Variants in FMNL2 observed in about 807,000 individuals in gnomAD.
The protein encoded by FMNL2 is formin-like protein 2.
A neutral mutation model predicts 130.2 loss-of-function variants in FMNL2; 51 were observed. The observed-to-expected ratio is 0.39, with a 90% CI of 0.31 to 0.49. FMNL2 has a LOEUF of 0.49. Ranked by LOEUF, FMNL2 falls within the 20% of genes least tolerant of loss-of-function variation. FMNL2 has a pLI of 0.85. For missense variants in FMNL2, 977 were observed against 1,316.2 expected (o/e 0.74, Z 3.99); for synonymous variants, 465 against 467.1 (o/e 1.00, Z 0.06).
At chr2:152,475,540 G>T (rs1466996410) in intron 1 of FMNL2, among the ~76,000 whole-genome samples, 2 of 152,106 alleles carry the variant, frequency 1.3e-5, no homozygotes, top group African/African-American at 4.8e-5. Context: ...TGTCATCCAG[G>T]CTGGAGTACG....
chr2:152,591,024 T>TTTTTTTG (rs1558989613), intron 9 of FMNL2, among the ~76,000 whole-genome samples: 7 of 94,952 alleles, frequency 7.4e-5, no homozygotes, highest in Non-Finnish European at 9.9e-5. Flanking sequence ...TTTTTTTTTT[T>TTTTTTTG]GAGACAGCAT....
chr2:152,389,905 G>T, intron 1 of FMNL2: 1 of 1,037,262 alleles, frequency 9.6e-7, no homozygotes, highest in South Asian at 1.3e-5. Flanking sequence ...GAGAACCCGG[G>T]AGAAGGTGGA....
chr2:152,545,604 C>T (rs563438430), intron 3 of FMNL2, among the ~76,000 whole-genome samples: 3 of 152,216 alleles, frequency 2.0e-5, no homozygotes, highest in South Asian at 4.2e-4. Context: ...CCTTTGCTGG[C>T]GCTGCAGTTG....
chr2:152,359,837 C>T (rs1032934138), intron 1 of FMNL2, among the ~76,000 whole-genome samples: 36 of 152,118 alleles, frequency 2.4e-4, no homozygotes, highest in African/African-American at 6.8e-4. Flanking sequence ...TTTTACTGTG[C>T]GATGTTTCAT....
At chr2:152,495,766 G>A (rs1290528914) in intron 1 of FMNL2, among the ~76,000 whole-genome samples, 1 of 151,126 alleles carries the variant, frequency 6.6e-6, no homozygotes, top group Non-Finnish European at 1.5e-5. Flanking sequence ...CCTCCAGGAA[G>A]CATATACGAA....
intron 25 of FMNL2, chr2:152,643,451 G>A (rs1440395197): frequency 1.3e-6 from 2 of 1,536,064 alleles, no homozygotes; most frequent in Non-Finnish European, 1.7e-6. Flanking sequence ...TGCTCGCACC[G>A]CCAAGCGTGG....
At chr2:152,439,729 C>G (rs996271557) in intron 1 of FMNL2, among the ~76,000 whole-genome samples, 1 of 151,036 alleles carries the variant, frequency 6.6e-6, no homozygotes, top group Non-Finnish European at 1.5e-5. Context: ...ACTCCCCATA[C>G]TGATCCTAGC....
chr2:152,471,281 G>A lies in FMNL2; in HGVS notation c.118-50662G>A, dbSNP rs114524305. Among the ~76,000 whole-genome samples, 283 of 152,116 alleles carry A rather than the reference G, an allele frequency of 1.9e-3. 3 individuals carry two copies. The highest frequency in any genetic ancestry group is 6.4e-3 in the African/African-American group (264 of 41,524). On this transcript the variant is annotated intron_variant, in intron 1 of 25. Coordinates refer to ENST00000288670, the MANE Select transcript of FMNL2 (RefSeq NM_052905.4). ...TATTAGTTTAACTCCTAGGTAATTT[G>A]GGACCACGTTTTGTCTTTTGGAAAA...
intron 22 of FMNL2, among the ~76,000 whole-genome samples, 174 bp from the exon 23 acceptor site, chr2:152,637,399 C>T (rs550551625): frequency 1.1e-4 from 17 of 152,122 alleles, no homozygotes; most frequent in Non-Finnish European, 2.4e-4. Flanking sequence ...TCTGCTGAGG[C>T]GTTTGGAGGA....
chr2:152,617,204 G>T lies in FMNL2; in HGVS notation c.1314+12G>T. 1 of 1,613,038 alleles carries T rather than the reference G, an allele frequency of 6.2e-7. No individual in the cohort carries two copies. The highest frequency in any genetic ancestry group is 1.7e-5 in the Admixed American group (1 of 60,004). On this transcript the variant is annotated intron_variant, in intron 13 of 25. Transcript: ENST00000288670. ...TGGATGTCGTTCGGGTAAGTGTAAT[G>T]ATGACAACTGCCCAGATGGGCACGG...
chr2:152,363,468 C>T (rs917788808), intron 1 of FMNL2, among the ~76,000 whole-genome samples: 5 of 152,162 alleles, frequency 3.3e-5, no homozygotes, highest in Non-Finnish European at 5.9e-5. Flanking sequence ...AATTTATGAT[C>T]TCTCTTTCTC....
chr2:152,366,479 A>C (rs1251503813), intron 1 of FMNL2, among the ~76,000 whole-genome samples: 2 of 141,016 alleles, frequency 1.4e-5, no homozygotes, highest in East Asian at 4.0e-4. Flanking sequence ...GTTTGCCAAC[A>C]ACAACAACAA....
Position 152,467,176 on chromosome 2 carries a change from GCT to G in FMNL2, c.118-54764_118-54763del, listed in dbSNP as rs756959460. ...CTTCTCCTTTCTTGCTGGTCATTTG[GCT>G]CTTTTTTTTCTGACAAGAGCTGGAT... On this transcript the variant is annotated intron_variant, in intron 1 of 25. Transcript: ENST00000288670. Among the ~76,000 whole-genome samples, 17 of 152,100 alleles carry G rather than the reference GCT, an allele frequency of 1.1e-4. No individual in the cohort carries two copies. The East Asian group carries it at 3.3e-3, about 29-fold the overall frequency.
intron 1 of FMNL2, among the ~76,000 whole-genome samples, chr2:152,363,687 A>G (rs1683323164): frequency 6.6e-6 from 1 of 151,790 alleles, no homozygotes; most frequent in Non-Finnish European, 1.5e-5. Flanking sequence ...CCAGCCTCCC[A>G]GGTAGCTGGG....
intron 1 of FMNL2, among the ~76,000 whole-genome samples, chr2:152,486,461 C>T (rs927424662): frequency 4.6e-5 from 7 of 152,174 alleles, no homozygotes; most frequent in African/African-American, 1.7e-4. Flanking sequence ...ACAATAAAAC[C>T]TCAATTAACT....
chr2:152,371,809 T>C (rs1001506785), intron 1 of FMNL2, among the ~76,000 whole-genome samples: 1 of 151,502 alleles, frequency 6.6e-6, no homozygotes, highest in Non-Finnish European at 1.5e-5. Flanking sequence ...AGACTGGTGG[T>C]TTTCTAGGAA....
intron 1 of FMNL2, among the ~76,000 whole-genome samples, chr2:152,506,185 A>G (rs1039328588): frequency 1.4e-4 from 22 of 152,292 alleles, no homozygotes; most frequent in Admixed American, 3.9e-4. Context: ...TTGTGCATTT[A>G]TTTCTCAAAT....
At position 152,634,724 on chromosome 2, in the gene FMNL2, G is replaced by A. The variant is rs182838402; in HGVS notation, c.2681-1703G>A. The stretch of plus-strand genomic sequence containing the variant: ...GCCCAATTTGTTCAACTTTTCAAGC[G>A]TTGGTTGTGCAATGTGCAGTTGGGT... On this transcript the variant is annotated intron_variant, in intron 21 of 25. Coordinates refer to ENST00000288670, the MANE Select transcript of FMNL2 (RefSeq NM_052905.4). Among the ~76,000 whole-genome samples, 30 of 152,320 alleles carry A rather than the reference G, an allele frequency of 2.0e-4. No homozygotes were observed. In the East Asian group the frequency reaches 5.4e-3, roughly 27 times the overall value.
At chr2:152,451,017 G>A in intron 1 of FMNL2, among the ~76,000 whole-genome samples, 1 of 152,192 alleles carries the variant, frequency 6.6e-6, no homozygotes, top group Admixed American at 6.5e-5. Flanking sequence ...TACGCTTGGA[G>A]TAAGATTTTG....
Sources: allele counts gnomAD v4.1 joint callset (sites outside exome capture counted in the v4.1 genomes callset), GRCh38; gene constraint gnomAD v4.1.1; transcripts MANE v1.5; gene names NCBI Gene and HGNC (gene_info 2026-07-23, HGNC 2026-07-21).